The following VRK1 variants were observed in gnomAD, a reference collection of about 807,000 sequenced individuals.
VRK1 encodes the protein serine/threonine-protein kinase VRK1.
In VRK1, 33 loss-of-function variants were observed where a neutral mutation model predicts 57.1. The observed-to-expected ratio is 0.58, with a 90% confidence interval of 0.44 to 0.77. The LOEUF is 0.77. VRK1 is among the 30% of genes least tolerant of loss of function. The pLI, the probability that VRK1 is intolerant of heterozygous loss-of-function variation, is 0.00. For missense variants in VRK1, 413 were observed against 477.3 expected (o/e 0.87, Z 1.25); for synonymous variants, 137 against 147.8 (o/e 0.93, Z 0.53).
At chr14:96,812,449 T>A (rs1479409715) in intron 1 of VRK1, among the ~76,000 whole-genome samples, 2 of 152,192 alleles carry the variant, frequency 1.3e-5, no homozygotes, top group Non-Finnish European at 2.9e-5. Flanking sequence ...TCCTAGTGGG[T>A]AGGAAGTGGC....
chr14:96,834,967 A>T (rs986885273), intron 2 of VRK1, among the ~76,000 whole-genome samples: 1 of 152,312 alleles, frequency 6.6e-6, no homozygotes, highest in South Asian at 2.1e-4. Flanking sequence ...TCTTCATTTT[A>T]TATTAATTTG....
At chr14:96,816,734 A>G (rs190275587) in intron 1 of VRK1, among the ~76,000 whole-genome samples, 228 of 152,250 alleles carry the variant, frequency 1.5e-3, no homozygotes, top group African/African-American at 5.2e-3. Context: ...ACAATCAGCA[A>G]AATTCAAAAT....
At chr14:96,797,888 T>A (rs1247473427) in intron 1 of VRK1, among the ~76,000 whole-genome samples, 1 of 152,228 alleles carries the variant, frequency 6.6e-6, no homozygotes, top group Non-Finnish European at 1.5e-5. Context: ...GCAGCTGCGA[T>A]GTTTTGCGGA....
At chr14:96,876,197 A>G (rs74840026) in intron 12 of VRK1, 77 bp downstream of exon 12, 2 of 1,351,368 alleles carry the variant, frequency 1.5e-6, no homozygotes, top group African/African-American at 1.4e-5. Flanking sequence ...TGAGGGGTCA[A>G]CTATTTGGGT....
At chr14:96,827,047 T>C (rs1209152152) in intron 1 of VRK1, among the ~76,000 whole-genome samples, 2 of 152,046 alleles carry the variant, frequency 1.3e-5, no homozygotes, top group Non-Finnish European at 2.9e-5. Flanking sequence ...GGGCACACCC[T>C]GAGAGGCACA....
intron 10 of VRK1, among the ~76,000 whole-genome samples, chr14:96,858,528 G>A (rs1888258157): frequency 6.6e-6 from 1 of 152,128 alleles, no homozygotes; most frequent in Non-Finnish European, 1.5e-5. Flanking sequence ...TGCCAATTAT[G>A]CATACAGATG....
chr14:96,867,317 T>C (rs1468548503), intron 11 of VRK1, among the ~76,000 whole-genome samples: 1 of 152,212 alleles, frequency 6.6e-6, no homozygotes, highest in Non-Finnish European at 1.5e-5. Context: ...TAGTTTTTAA[T>C]TGAAGACATT....
chr14:96,841,229 C>G (rs149246781), intron 3 of VRK1, among the ~76,000 whole-genome samples: 12 of 152,124 alleles, frequency 7.9e-5, no homozygotes, highest in African/African-American at 2.4e-4. Context: ...TTCTGTTGTT[C>G]TTCTTTATTG....
intron 4 of VRK1, among the ~76,000 whole-genome samples, chr14:96,846,568 G>T (rs1887702065): frequency 6.6e-6 from 1 of 151,878 alleles, no homozygotes; most frequent in Admixed American, 6.6e-5. Flanking sequence ...AAACCTTTTA[G>T]ATTGGTATGA....
intron 3 of VRK1, among the ~76,000 whole-genome samples, chr14:96,841,549 G>A (rs1036185756): frequency 6.6e-6 from 1 of 152,060 alleles, no homozygotes; most frequent in Non-Finnish European, 1.5e-5. Context: ...TATCCTAGAA[G>A]AATGTCATAA....
At chr14:96,826,646 A>G (rs935768095) in intron 1 of VRK1, among the ~76,000 whole-genome samples, 1 of 152,242 alleles carries the variant, frequency 6.6e-6, no homozygotes, top group Non-Finnish European at 1.5e-5. Context: ...CGGTATATTC[A>G]TTAATAGAAA....
chr14:96,834,364 C>T (rs576793367), intron 2 of VRK1, among the ~76,000 whole-genome samples: 19 of 152,226 alleles, frequency 1.2e-4, no homozygotes, highest in Admixed American at 2.0e-4. Context: ...TTAGCAATAT[C>T]TTACTCAGAA....
chr14:96,841,428 G>A (rs764284755), intron 3 of VRK1, among the ~76,000 whole-genome samples: 6 of 152,210 alleles, frequency 3.9e-5, no homozygotes, highest in African/African-American at 1.4e-4. Flanking sequence ...TCCTAATTTA[G>A]TTCTGTTTCC....
intron 1 of VRK1, among the ~76,000 whole-genome samples, chr14:96,816,765 TGACAAG>T (rs1886409970): frequency 6.6e-6 from 1 of 151,754 alleles, no homozygotes; most frequent in Non-Finnish European, 1.5e-5. Flanking sequence ...ACAGGACAAA[TGACAAG>T]AAGAAGGACA....
chr14:96,856,163 G>A lies in VRK1; in HGVS notation c.743G>A (p.Gly248Asp). 6.2e-7 allele frequency: 1 copy of A among 1,613,718 alleles called. No individual in the cohort carries two copies. The highest frequency in any genetic ancestry group is 1.7e-5 in the Admixed American group (1 of 60,016). Residue 248 changes from glycine (G) to aspartate (D), a missense_variant, in exon 9 of 13, where the codon GGT becomes GAT. Physicochemically the swap from Gly to Asp is moderately conservative, Grantham distance 94. This residue lies in a region of VRK1 where 151 missense variants were observed against 225.5 expected (regional missense o/e 0.67). Coordinates refer to ENST00000216639, the MANE Select transcript of VRK1 (RefSeq NM_003384.3). ...AGACGTGGTGATTTGGAAATACTTG[G>A]TTATTGCATGATCCAATGGCTTACT... ...PSRRGDLEIL[G>D]YCMIQWLTGH...
chr14:96,877,733 G>A (rs1258804509), intron 12 of VRK1: 3 of 936,692 alleles, frequency 3.2e-6, no homozygotes, highest in African/African-American at 3.6e-5. Context: ...TCTCAGCTGC[G>A]CATCAGGAAG....
intron 10 of VRK1, 114 bp from the exon 11 acceptor site, chr14:96,860,443 A>G (rs1198992681): frequency 9.0e-6 from 9 of 1,003,822 alleles, no homozygotes; most frequent in Middle Eastern, 3.1e-4. Flanking sequence ...AAAAATAGGT[A>G]TCTTAACAAG....
intron 1 of VRK1, among the ~76,000 whole-genome samples, chr14:96,809,248 G>T (rs1307100996): frequency 6.6e-6 from 1 of 152,124 alleles, no homozygotes; most frequent in Non-Finnish European, 1.5e-5. Flanking sequence ...TACTCTATTG[G>T]TTGACAAAGA....
rs1245167265 is a variant in VRK1, at chr14:96,881,399, A to G, written c.*191A>G. ...CAATTCATTAAAGGCTAATTTATGA[A>G]ATTTGAAAATCTTCAGGTTATACTC... On this transcript the variant is annotated 3_prime_UTR_variant, in exon 13 of 13. Coordinates refer to ENST00000216639, the MANE Select transcript of VRK1 (RefSeq NM_003384.3). 1.8e-6 allele frequency: 1 copy of G among 565,980 alleles called. No homozygotes were observed. The highest frequency in any genetic ancestry group is 2.9e-5 in the East Asian group (1 of 33,930). 35.1% of individuals were successfully genotyped at this position (565,980 alleles called of 1,614,324 possible). A position where few individuals can be genotyped will look rare whatever the true frequency, so the allele number is the denominator to read the frequency against.
Sources: gnomAD v4.1 joint callset for allele counts (sites outside exome capture counted in the v4.1 genomes callset) on GRCh38, gnomAD v4.1.1 for gene constraint, gnomAD v4.1.1 regional missense constraint, MANE v1.5 for transcripts, NCBI Gene and HGNC (gene_info 2026-07-23, HGNC 2026-07-21) for gene names.